VWA5B1: variants seen among roughly 807,000 people sequenced by gnomAD.
VWA5B1 encodes the protein von Willebrand factor A domain-containing protein 5B1.
In VWA5B1, 115 loss-of-function variants were observed where a neutral mutation model predicts 118.2. The ratio of observed to expected loss-of-function variants is 0.97; its 90% CI spans 0.84 to 1.14. The LOEUF is 1.14. Ranked by LOEUF, VWA5B1 falls within the 50% of genes most tolerant of loss-of-function variation. The pLI, the probability that VWA5B1 is intolerant of heterozygous loss-of-function variation, is 0.00. For missense variants in VWA5B1, 1,596 were observed against 1,603.8 expected, an observed-to-expected ratio of 1.00 and a Z score of 0.08; for synonymous variants, 682 against 658.4, an observed-to-expected ratio of 1.04 and a Z score of -0.55.
At chr1:20,298,677 T>C (rs1196132564) in intron 1 of VWA5B1, among the ~76,000 whole-genome samples, 2 of 152,044 alleles carry the variant, frequency 1.3e-5, no homozygotes, top group Non-Finnish European at 2.9e-5. Flanking sequence ...TGTCACCCAG[T>C]GCTACAAGTC....
chr1:20,291,863 G>A (rs1482331023), intron 1 of VWA5B1, among the ~76,000 whole-genome samples: 4 of 152,308 alleles, frequency 2.6e-5, no homozygotes, highest in East Asian at 1.9e-4. Flanking sequence ...GCCTGCTAAC[G>A]CATCAAGCCT....
chr1:20,357,265 C>G lies in VWA5B1; in HGVS notation c.*3002C>G, dbSNP rs1332814239. On this transcript the variant is annotated 3_prime_UTR_variant, in exon 22 of 22. Transcript: ENST00000289815. ...GCAAATTACTTGCTTTCTCTGAACC[C>G]CTGTTTCATCTTTTGTGGAATGACG... Among the ~76,000 whole-genome samples, 1 of 152,180 alleles carries G rather than the reference C, an allele frequency of 6.6e-6. No individual in the cohort carries two copies. Among genetic ancestry groups the G allele is most frequent in the Non-Finnish European group, 1.5e-5 (1 of 68,036 alleles).
chr1:20,357,199 A>G lies in VWA5B1; in HGVS notation c.*2936A>G, dbSNP rs559797732. 3.3e-5 allele frequency among the ~76,000 whole-genome samples: 5 copies of G among 152,328 alleles called. No individual in the cohort carries two copies. The South Asian group carries it at 1.0e-3, about 32-fold the overall frequency. On this transcript the variant is annotated 3_prime_UTR_variant, in exon 22 of 22. Coordinates refer to ENST00000289815, the MANE Select transcript of VWA5B1 (RefSeq NM_001039500.3). ...GAGCTGAGAGTTGAGGAACCCAAGC[A>G]TGGGTCCCAACTCCACCACTAGTGT...
chr1:20,327,521 G>T (rs983597771), intron 8 of VWA5B1, among the ~76,000 whole-genome samples: 1 of 152,098 alleles, frequency 6.6e-6, no homozygotes, highest in Non-Finnish European at 1.5e-5. Flanking sequence ...AGCAGGGAGA[G>T]GGTGCTCCCT....
At chr1:20,348,221 C>T (rs1012653575) in intron 17 of VWA5B1, 24 bp from the exon 18 acceptor site, 32 of 1,548,020 alleles carry the variant, frequency 2.1e-5, no homozygotes, top group South Asian at 9.5e-5. Context: ...CCCAACCACC[C>T]GCTTCCCCTT....
In VWA5B1 at chr1:20,349,744, T is replaced by C. The variant is rs949097005; in HGVS notation, c.2879-412T>C. On this transcript the variant is annotated intron_variant, in intron 18 of 21. Transcript: ENST00000289815. ...CCACATTCCTGACTTTTTTTTTTTT[T>C]TTTTTTTTTGAGACAGGGCCCGTAG... is the stretch of plus-strand genomic sequence containing the variant. Among the ~76,000 whole-genome samples the C allele has an allele frequency of 9.3e-5, 14 of 151,202 alleles. No homozygotes were observed. The East Asian group carries it at 2.7e-3, about 29-fold the overall frequency.
chr1:20,353,667 G>T (rs2090172959), intron 21 of VWA5B1, 90 bp from the exon 22 acceptor site: 2 of 1,418,516 alleles, frequency 1.4e-6, no homozygotes, highest in Non-Finnish European at 1.8e-6. Context: ...GCAGGGTGGG[G>T]TGGGCAACAT....
Position 20,318,674 on chromosome 1 carries a change from A to G in VWA5B1, c.794A>G (p.Asn265Ser). Residue 265 changes from asparagine (N) to serine (S), a missense_variant, in exon 6 of 22, where the codon AAC (asparagine) becomes AGC (serine). Transcript: ENST00000289815. Reference sequence around the variant, plus strand: ...AAGAGCATCATCATCACCTTGGCCAACAAGCACACCTTTGACCGGCCTGTG... The same window carrying G: ...AAGAGCATCATCATCACCTTGGCCAGCAAGCACACCTTTGACCGGCCTGTG... ...SAKSIIITLA[N>S]KHTFDRPVEI... The G allele has an allele frequency of 6.5e-7, 1 of 1,546,484 alleles. No individual in the cohort carries two copies. Among genetic ancestry groups the G allele is most frequent in the South Asian group, 1.2e-5 (1 of 83,348 alleles).
chr1:20,301,688 A>G (rs2088508164), intron 1 of VWA5B1, among the ~76,000 whole-genome samples: 1 of 152,246 alleles, frequency 6.6e-6, no homozygotes, highest in South Asian at 2.1e-4. Flanking sequence ...TGCTGGAGAC[A>G]GGGACAAGGC....
rs1057146342 is a variant in VWA5B1 at position 20,353,740 on chromosome 1, G to A, written c.3142-17G>A. On this transcript the variant is annotated splice_polypyrimidine_tract_variant and intron_variant, in intron 21 of 21. Coordinates refer to ENST00000289815, the MANE Select transcript of VWA5B1 (RefSeq NM_001039500.3). ...TAAAACATTTGAGGCCCACTGAAGG[G>A]CTTCCCCCACACACAGGTGTCTCTG... 2 of 1,450,432 alleles carry A rather than the reference G, an allele frequency of 1.4e-6. No individual in the cohort carries two copies. Among genetic ancestry groups the A allele is most frequent in the African/African-American group, 2.9e-5 (2 of 69,706 alleles). The allele number at this position is 1,450,432 out of a possible 1,614,324, so 89.8% of individuals were successfully genotyped here. A position where few individuals can be genotyped will look rare whatever the true frequency, so the allele number is the denominator to read the frequency against.
chr1:20,296,115 A>G (rs2088401908), intron 1 of VWA5B1, among the ~76,000 whole-genome samples: 1 of 152,164 alleles, frequency 6.6e-6, no homozygotes, highest in South Asian at 2.1e-4. Flanking sequence ...CGCCCACCTC[A>G]GCCTCCCAAA....
Position 20,355,919 on chromosome 1 carries a change from C to T in VWA5B1, c.*1656C>T, listed in dbSNP as rs2090222482. On this transcript the variant is annotated 3_prime_UTR_variant, in exon 22 of 22. Coordinates refer to ENST00000289815, the MANE Select transcript of VWA5B1 (RefSeq NM_001039500.3). Reference sequence around the variant, plus strand: ...TGGACTGGCTCTGCTTCAGACTTACCCTCTGGGGAGGAACCCAGGCAGGCA... The same window carrying T: ...TGGACTGGCTCTGCTTCAGACTTACTCTCTGGGGAGGAACCCAGGCAGGCA... Among the ~76,000 whole-genome samples, 1 of 152,072 alleles carries T rather than the reference C, an allele frequency of 6.6e-6. No individual in the cohort carries two copies. Among genetic ancestry groups the T allele is most frequent in the Non-Finnish European group, 1.5e-5 (1 of 67,980 alleles).
chr1:20,309,379 C>G (rs1317988195), intron 1 of VWA5B1, among the ~76,000 whole-genome samples: 1 of 152,202 alleles, frequency 6.6e-6, no homozygotes, highest in Non-Finnish European at 1.5e-5. Context: ...GCTGGGCACA[C>G]TGGTCTGGCC....
intron 1 of VWA5B1, among the ~76,000 whole-genome samples, chr1:20,291,364 TCTC>T (rs2088299474): frequency 7.0e-6 from 1 of 142,242 alleles, no homozygotes; most frequent in African/African-American, 2.7e-5. Flanking sequence ...TTTCTTTCTC[TCTC>T]TCTCTCTCTC....
At chr1:20,332,088 G>T (rs757440976) in intron 11 of VWA5B1, among the ~76,000 whole-genome samples, 7 of 152,154 alleles carry the variant, frequency 4.6e-5, no homozygotes, top group Non-Finnish European at 1.0e-4. Flanking sequence ...AAATAAATTT[G>T]CTCAAGATCA....
chr1:20,343,494 C>T, intron 16 of VWA5B1, 101 bp downstream of exon 16: 1 of 1,428,640 alleles, frequency 7.0e-7, no homozygotes, highest in Non-Finnish European at 9.1e-7. Context: ...GTGATCCTCT[C>T]AGCCCCGCGT....
chr1:20,299,430 G>T (rs1311617366), intron 1 of VWA5B1, among the ~76,000 whole-genome samples: 1 of 152,134 alleles, frequency 6.6e-6, no homozygotes, highest in African/African-American at 2.4e-5. Flanking sequence ...TTGAGACAGA[G>T]TCTCACTCTG....
chr1:20,298,762 T>C (rs2088452971), intron 1 of VWA5B1, among the ~76,000 whole-genome samples: 1 of 152,172 alleles, frequency 6.6e-6, no homozygotes, highest in South Asian at 2.1e-4. Flanking sequence ...AGGGGGACTC[T>C]GCAGCTGGCC....
intron 11 of VWA5B1, among the ~76,000 whole-genome samples, chr1:20,332,372 C>T (rs898320118): frequency 1.1e-4 from 16 of 151,834 alleles, no homozygotes; most frequent in African/African-American, 3.6e-4. Context: ...CCCAGCTACT[C>T]AGGAGGCTGA....
Sources: allele counts gnomAD v4.1 joint callset (sites outside exome capture counted in the v4.1 genomes callset), GRCh38; gene constraint gnomAD v4.1.1; transcripts MANE v1.5; gene names NCBI Gene and HGNC (gene_info 2026-07-23, HGNC 2026-07-21).